EYS: variants seen among roughly 807,000 people sequenced by gnomAD.
EYS encodes the protein EGF-like photoreceptor maintenance factor.
In EYS, 250 loss-of-function variants were observed where a neutral mutation model predicts 282.1. The ratio of observed to expected loss-of-function variants is 0.89; its 90% CI spans 0.80 to 0.98. The LOEUF (loss-of-function observed/expected upper bound fraction) is 0.98, where lower values mean the gene tolerates loss of function less well. Ranked by LOEUF, EYS falls within the 50% of genes least tolerant of loss-of-function variation. The probability of loss-of-function intolerance (pLI) is 0.00; values close to 1 mark genes in which losing one functional copy is unlikely to be tolerated. For missense variants in EYS, 4,016 were observed against 3,709.0 expected (o/e 1.08, Z -2.15); for synonymous variants, 1,355 against 1,282.9 (o/e 1.06, Z -1.20).
At chr6:65,026,918 A>G (rs1772435174) in intron 13 of EYS, among the ~76,000 whole-genome samples, 1 of 146,748 alleles carries the variant, frequency 6.8e-6, no homozygotes, top group East Asian at 2.0e-4. Flanking sequence ...CTCCGTCTCA[A>G]AAAAAAAAAA....
intron 12 of EYS, among the ~76,000 whole-genome samples, chr6:65,136,205 A>C (rs1280153742): frequency 6.6e-6 from 1 of 152,052 alleles, no homozygotes; most frequent in South Asian, 2.1e-4. Flanking sequence ...CATATTCTTC[A>C]TGAATAAAAG....
intron 2 of EYS, among the ~76,000 whole-genome samples, chr6:65,504,137 T>C (rs1163016701): frequency 2.0e-5 from 3 of 151,676 alleles, no homozygotes; most frequent in Admixed American, 2.0e-4. Context: ...TATCAGAGTT[T>C]AGTTTTCCAC....
At chr6:64,124,815 A>G (rs1386137225) in intron 31 of EYS, among the ~76,000 whole-genome samples, 1 of 152,202 alleles carries the variant, frequency 6.6e-6, no homozygotes, top group Non-Finnish European at 1.5e-5. Context: ...GCATGACATT[A>G]TCAAAAAGGG....
chr6:64,676,372 A>T (rs1256083589), intron 22 of EYS, among the ~76,000 whole-genome samples: 1 of 149,044 alleles, frequency 6.7e-6, no homozygotes, highest in African/African-American at 2.4e-5. Context: ...AGGGAGAGAA[A>T]GAGGGAGAGA....
At chr6:64,798,780 A>G (rs1265188570) in intron 22 of EYS, among the ~76,000 whole-genome samples, 3 of 151,664 alleles carry the variant, frequency 2.0e-5, no homozygotes, top group Non-Finnish European at 1.5e-5. Context: ...AATGCTCAGG[A>G]TATTTTTGCA....
At chr6:65,192,957 A>G (rs1269489402) in intron 12 of EYS, among the ~76,000 whole-genome samples, 2 of 151,866 alleles carry the variant, frequency 1.3e-5, no homozygotes, top group African/African-American at 4.8e-5. Flanking sequence ...AATATATAAA[A>G]TGCATTGTTA....
chr6:64,047,007 G>C (rs1007671324), intron 33 of EYS, among the ~76,000 whole-genome samples: 4 of 152,176 alleles, frequency 2.6e-5, no homozygotes. Flanking sequence ...ATAATATGCT[G>C]TGCTAAGTGT....
chr6:65,130,035 A>G (rs180832975), intron 12 of EYS, among the ~76,000 whole-genome samples: 62 of 151,934 alleles, frequency 4.1e-4, no homozygotes, highest in African/African-American at 9.4e-4. Context: ...AGGCCATTAT[A>G]CTAAGTGAAG....
chr6:64,968,585 T>A lies in EYS; in HGVS notation c.2260-22671A>T, dbSNP rs745422917. ...TTTATATAGATGCTCGAAGCAGTAT[T>A]ATTTTTTTCAGAAAATAAAACAATC... On this transcript the variant is annotated intron_variant, in intron 14 of 42. Transcript: ENST00000503581. 7.2e-5 allele frequency among the ~76,000 whole-genome samples: 11 copies of A among 152,292 alleles called. No homozygotes were observed. The East Asian group carries it at 2.1e-3, about 29-fold the overall frequency.
chr6:65,393,866 A>T (rs533902320), intron 7 of EYS, among the ~76,000 whole-genome samples: 80 of 152,146 alleles, frequency 5.3e-4, no homozygotes, highest in Non-Finnish European at 1.0e-3. Context: ...ATAAGCTGAG[A>T]ATATAAAAGA....
intron 22 of EYS, among the ~76,000 whole-genome samples, chr6:64,716,270 A>G (rs1417124521): frequency 6.6e-6 from 1 of 152,196 alleles, no homozygotes; most frequent in Non-Finnish European, 1.5e-5. Flanking sequence ...ATCCATCCAT[A>G]TATTCAGCAC....
intron 12 of EYS, among the ~76,000 whole-genome samples, chr6:65,207,463 C>T (rs997675104): frequency 3.3e-5 from 5 of 151,688 alleles, no homozygotes; most frequent in African/African-American, 4.8e-5. Context: ...CCAAAGCAGT[C>T]TACAGATTGA....
At chr6:65,563,807 C>A (rs970575465) in intron 2 of EYS, among the ~76,000 whole-genome samples, 1 of 152,000 alleles carries the variant, frequency 6.6e-6, no homozygotes, top group African/African-American at 2.4e-5. Flanking sequence ...TAATTGTGGG[C>A]CACAACTCCC....
At chr6:65,414,507 A>T (rs931694941) in intron 5 of EYS, among the ~76,000 whole-genome samples, 10 of 152,176 alleles carry the variant, frequency 6.6e-5, no homozygotes, top group African/African-American at 2.4e-4. Context: ...TGCTCTAAAT[A>T]TATTTTGAAA....
intron 31 of EYS, among the ~76,000 whole-genome samples, chr6:64,123,590 A>C (rs1354010303): frequency 6.6e-6 from 1 of 152,138 alleles, no homozygotes; most frequent in African/African-American, 2.4e-5. Flanking sequence ...TATCGTTCCT[A>C]ACTGCCAGCT....
chr6:65,222,928 A>T (rs1258361350), intron 12 of EYS, among the ~76,000 whole-genome samples: 3 of 152,166 alleles, frequency 2.0e-5, no homozygotes, highest in African/African-American at 7.2e-5. Context: ...ATAAGGATGA[A>T]GAAGAAGTAA....
intron 15 of EYS, among the ~76,000 whole-genome samples, chr6:64,921,818 G>A (rs985178837): frequency 6.6e-6 from 1 of 152,138 alleles, no homozygotes; most frequent in Admixed American, 6.5e-5. Context: ...AAGCACAAAA[G>A]AATTAGATGA....
chr6:64,252,860 C>G lies in EYS; in HGVS notation c.6192-22036G>C, dbSNP rs1301389761. ...CAATAGCTTATTTATTTATATACTC[C>G]TCCTAGAATCTAAACTGTAACTTCA... On this transcript the variant is annotated intron_variant, in intron 30 of 42. Coordinates refer to ENST00000503581, the MANE Select transcript of EYS (RefSeq NM_001142800.2). 3.9e-5 allele frequency among the ~76,000 whole-genome samples: 6 copies of G among 152,228 alleles called. No homozygotes were observed. In the South Asian group the frequency reaches 1.2e-3, roughly 32 times the overall value.
intron 12 of EYS, among the ~76,000 whole-genome samples, chr6:65,198,683 C>T (rs1570212): frequency 0.049 from 7,510 of 152,144 alleles, 204 homozygotes; most frequent in Middle Eastern, 0.065. Flanking sequence ...CATAATCTGA[C>T]TTATGTATTT....
Sources: gnomAD v4.1 joint callset for allele counts (sites outside exome capture counted in the v4.1 genomes callset) on GRCh38, gnomAD v4.1.1 for gene constraint, MANE v1.5 for transcripts, NCBI Gene and HGNC (gene_info 2026-07-23, HGNC 2026-07-21) for gene names.